DOCK3: variants seen among roughly 807,000 people sequenced by gnomAD.
DOCK3 encodes the protein dedicator of cytokinesis 3, also known as dedicator of cytokinesis protein 3.
Under a neutral mutation model 265.6 loss-of-function variants are expected in DOCK3, and 60 were observed. The ratio of observed to expected loss-of-function variants is 0.23; its 90% CI spans 0.18 to 0.28. The LOEUF is 0.28. Among genes scored for constraint, DOCK3 ranks in the 10% least tolerant of loss-of-function variants. DOCK3 has a pLI of 1.00. For missense variants in DOCK3, 1,981 were observed against 2,594.3 expected (o/e 0.76, Z 5.14); for synonymous variants, 881 against 938.0 (o/e 0.94, Z 1.11).
At chr3:50,805,279 G>GAGTGGC (rs938264571) in intron 2 of DOCK3, among the ~76,000 whole-genome samples, 2 of 152,132 alleles carry the variant, frequency 1.3e-5, no homozygotes, top group African/African-American at 4.8e-5. Flanking sequence ...GCATGTTTCT[G>GAGTGGC]AGTGGCCTAG....
chr3:50,690,512 A>G (rs750980861), intron 1 of DOCK3, among the ~76,000 whole-genome samples: 3 of 151,984 alleles, frequency 2.0e-5, no homozygotes, highest in Non-Finnish European at 4.4e-5. Flanking sequence ...TATCTCTGGA[A>G]TTTTTTCGTC....
At chr3:51,352,369 T>C (rs905978632) in intron 40 of DOCK3, among the ~76,000 whole-genome samples, 1 of 152,204 alleles carries the variant, frequency 6.6e-6, no homozygotes, top group Admixed American at 6.5e-5. Context: ...GAATGCTCCA[T>C]CGTAGTCCAA....
chr3:51,266,532 A>G (rs1454125598), intron 23 of DOCK3, among the ~76,000 whole-genome samples: 2 of 152,200 alleles, frequency 1.3e-5, no homozygotes, highest in Non-Finnish European at 1.5e-5. Context: ...CCACACATCT[A>G]CAATCATCTG....
chr3:50,868,315 G>A (rs911210761), intron 3 of DOCK3, among the ~76,000 whole-genome samples: 3 of 151,940 alleles, frequency 2.0e-5, no homozygotes, highest in African/African-American at 4.8e-5. Flanking sequence ...CTCGTGATCC[G>A]CCCACCTCGG....
intron 27 of DOCK3, among the ~76,000 whole-genome samples, chr3:51,303,437 C>G (rs1221679618): frequency 6.6e-6 from 1 of 152,186 alleles, no homozygotes; most frequent in African/African-American, 2.4e-5. Context: ...AGCCTCTGCC[C>G]AGTTCTTTGC....
intron 14 of DOCK3, among the ~76,000 whole-genome samples, chr3:51,224,465 C>A (rs1339531745): frequency 3.3e-5 from 5 of 152,206 alleles, no homozygotes; most frequent in Non-Finnish European, 7.3e-5. Flanking sequence ...TGTCATTTAT[C>A]TCTGACCAAA....
chr3:51,111,779 A>G (rs1297502187), intron 9 of DOCK3, among the ~76,000 whole-genome samples: 1 of 152,226 alleles, frequency 6.6e-6, no homozygotes, highest in Non-Finnish European at 1.5e-5. Context: ...CAGACAACCT[A>G]CAGAATAAGA....
At chr3:51,078,009 C>T (rs978925285) in intron 7 of DOCK3, among the ~76,000 whole-genome samples, 6 of 150,488 alleles carry the variant, frequency 4.0e-5, no homozygotes, top group South Asian at 2.1e-4. Flanking sequence ...CTTAGAAGCC[C>T]GGACCTCACA....
intron 27 of DOCK3, among the ~76,000 whole-genome samples, chr3:51,309,417 A>G (rs1576748529): frequency 6.6e-6 from 1 of 152,304 alleles, no homozygotes; most frequent in East Asian, 1.9e-4. Context: ...CCCCGTCTCC[A>G]CCAAAAAAAT....
intron 27 of DOCK3, among the ~76,000 whole-genome samples, chr3:51,308,191 C>G (rs1483325802): frequency 6.6e-6 from 1 of 151,070 alleles, no homozygotes; most frequent in Non-Finnish European, 1.5e-5. Flanking sequence ...AAAAATGCAA[C>G]AAAACTCATT....
chr3:51,175,988 C>T (rs1450790550), intron 12 of DOCK3, among the ~76,000 whole-genome samples: 1 of 152,170 alleles, frequency 6.6e-6, no homozygotes, highest in African/African-American at 2.4e-5. Context: ...CTAAGTCATA[C>T]GAGGAAGACT....
At chr3:51,277,587 C>T in intron 25 of DOCK3, 21 bp from the exon 26 acceptor site, 2 of 1,517,306 alleles carry the variant, frequency 1.3e-6, no homozygotes, top group East Asian at 2.4e-5. Flanking sequence ...TAATGGTGTG[C>T]TCTCTTGCTG....
At position 50,973,049 on chromosome 3, in the gene DOCK3, C is replaced by CTTTTTTTTTTT. The variant is rs71858027; in HGVS notation, c.315+38986_315+38996dup. Among the ~76,000 whole-genome samples, 5 of 19,020 alleles carry CTTTTTTTTTTT rather than the reference C, an allele frequency of 2.6e-4. 2 individuals are homozygous for CTTTTTTTTTTT. The highest frequency in any genetic ancestry group is 4.3e-4 in the Non-Finnish European group (5 of 11,674). The allele number at this position is 19,020 out of a possible 152,430, so 12.5% of individuals were successfully genotyped here. A position where few individuals can be genotyped will look rare whatever the true frequency, so the allele number is the denominator to read the frequency against. On this transcript the variant is annotated intron_variant, in intron 5 of 52. Coordinates refer to ENST00000266037, the MANE Select transcript of DOCK3 (RefSeq NM_004947.5). The stretch of plus-strand genomic sequence containing the variant: ...ACAATCCGTGGCATTCAGTGTGTTT[C>CTTTTTTTTTTT]TTTTTTTTTTTTTTTTTTTTTTTTG...
chr3:51,040,636 C>T (rs1168842307), intron 5 of DOCK3, among the ~76,000 whole-genome samples: 1 of 152,156 alleles, frequency 6.6e-6, no homozygotes, highest in Non-Finnish European at 1.5e-5. Context: ...CTGTAGCTTG[C>T]AATGCTGTTT....
At chr3:51,327,289 C>G (rs1163116407) in intron 32 of DOCK3, among the ~76,000 whole-genome samples, 1 of 152,102 alleles carries the variant, frequency 6.6e-6, no homozygotes, top group African/African-American at 2.4e-5. Context: ...TTGAGTGCTT[C>G]CCAAGATCCA....
chr3:50,924,611 G>A (rs1297427816), intron 4 of DOCK3, among the ~76,000 whole-genome samples: 1 of 152,204 alleles, frequency 6.6e-6, no homozygotes, highest in Admixed American at 6.5e-5. Context: ...GTCATGAATG[G>A]GGTCAAAAGT....
chr3:50,870,578 T>C (rs997674271), intron 3 of DOCK3, among the ~76,000 whole-genome samples: 1 of 152,204 alleles, frequency 6.6e-6, no homozygotes, highest in Non-Finnish European at 1.5e-5. Context: ...GCTATATCTT[T>C]TGATTGGAGA....
At chr3:51,324,368 T>TTTTC (rs2083945798) in intron 32 of DOCK3, among the ~76,000 whole-genome samples, 1 of 152,162 alleles carries the variant, frequency 6.6e-6, no homozygotes, top group Non-Finnish European at 1.5e-5. Context: ...TTATAAGGGA[T>TTTTC]GTGAAGGACC....
At chr3:51,331,448 A>G (rs73837425) in intron 33 of DOCK3, among the ~76,000 whole-genome samples, 3,456 of 152,242 alleles carry the variant, frequency 0.023, 148 homozygotes, top group African/African-American at 0.079. Flanking sequence ...TTACCTGACC[A>G]AATCATGTTT....
Sources: gnomAD v4.1 joint callset for allele counts (sites outside exome capture counted in the v4.1 genomes callset) on GRCh38, gnomAD v4.1.1 for gene constraint, MANE v1.5 for transcripts, NCBI Gene and HGNC (gene_info 2026-07-23, HGNC 2026-07-21) for gene names.